Variants in TCF3 observed in about 807,000 individuals in gnomAD.
TCF3 encodes transcription factor E2-alpha.
TCF3 carries 54 observed loss-of-function variants against 72.3 expected under a neutral mutation model. The observed-to-expected ratio is 0.75, with a 90% CI of 0.60 to 0.94. The LOEUF (loss-of-function observed/expected upper bound fraction) is 0.94, where lower values mean the gene tolerates loss of function less well. TCF3 is among the 40% of genes least tolerant of loss of function. The pLI, the probability that TCF3 is intolerant of heterozygous loss-of-function variation, is 0.00. For synonymous variants in TCF3, 525 were observed against 412.6 expected (o/e 1.27, Z -3.30); for missense variants, 1,078 against 934.4 (o/e 1.15, Z -2.00).
At chr19:1,611,936 G>A (rs1008236234) in intron 18 of TCF3, 87 bp from the exon 19 acceptor site, 2 of 217,652 alleles carry the variant, frequency 9.2e-6, no homozygotes, top group Admixed American at 6.5e-5. Flanking sequence ...ATGTCGGGGG[G>A]GGGGGTGGGG....
At position 1,611,101 on chromosome 19, in the gene TCF3, G is replaced by A. The variant is rs917283894; in HGVS notation, c.*606C>T. The A allele has an allele frequency of 4.3e-6, 1 of 231,720 alleles. No homozygotes were observed. The highest frequency in any genetic ancestry group is 2.2e-5 in the African/African-American group (1 of 45,016). 14.4% of individuals were successfully genotyped at this position (231,720 alleles called of 1,614,324 possible). On this transcript the variant is annotated 3_prime_UTR_variant, in exon 19 of 19. Coordinates refer to ENST00000262965, the MANE Select transcript of TCF3 (RefSeq NM_003200.5). Reference sequence around the variant, plus strand: ...TGCTTACAAAACATATGCAAAAAAAGCTTAAAAAAACCAGAGACCAAAGGC... The same window carrying A: ...TGCTTACAAAACATATGCAAAAAAAACTTAAAAAAACCAGAGACCAAAGGC...
Position 1,640,420 on chromosome 19 carries a change from G to A in TCF3, c.145+5935C>T, listed in dbSNP as rs1478565647. On this transcript the variant is annotated intron_variant, in intron 3 of 18. Transcript: ENST00000262965. ...TGGTTACTAAACTCTCTAAGTTTCA[G>A]CTTCTTTACCAGTAAAATACGGTAA... Among the ~76,000 whole-genome samples, 6 of 152,114 alleles carry A rather than the reference G, an allele frequency of 3.9e-5. No individual in the cohort carries two copies. The East Asian group carries it at 1.2e-3, about 29-fold the overall frequency.
At chr19:1,619,944 C>T in intron 13 of TCF3, 91 bp from the exon 14 acceptor site, 1 of 1,138,572 alleles carries the variant, frequency 8.8e-7, no homozygotes, top group Non-Finnish European at 1.3e-6. Context: ...AACCACCCCG[C>T]CTGTCCAGCC....
intron 18 of TCF3, chr19:1,612,223 C>T: frequency 6.3e-7 from 1 of 1,588,876 alleles, no homozygotes; most frequent in Non-Finnish European, 8.6e-7. Context: ...CCTGCTGCTC[C>T]AGCCCCAGGA....
intron 16 of TCF3, among the ~76,000 whole-genome samples, chr19:1,618,468 C>T (rs944341215): frequency 9.9e-5 from 15 of 152,128 alleles, no homozygotes; most frequent in Non-Finnish European, 1.5e-4. Flanking sequence ...AAGTCCTCCC[C>T]GCAGCCCACA....
rs894445643 is a variant in TCF3 at position 1,614,845 on chromosome 19, T to C, written c.1822+440A>G. 3.9e-5 allele frequency among the ~76,000 whole-genome samples: 6 copies of C among 152,032 alleles called. No individual in the cohort carries two copies. Among genetic ancestry groups the C allele is most frequent in the African/African-American group, 1.5e-4 (6 of 41,376 alleles). On this transcript the variant is annotated intron_variant, in intron 18 of 18. Coordinates refer to ENST00000262965, the MANE Select transcript of TCF3 (RefSeq NM_003200.5). The surrounding 1 kb of genome is among the most constrained non-coding windows in gnomAD (Gnocchi z 5.6). ...GACAGGGGATGGGCTCATGTGGCCT[T>C]GCGTGGCATCTGCCTGACGGGAAGG... is the stretch of plus-strand genomic sequence containing the variant.
intron 6 of TCF3, 104 bp downstream of exon 6, chr19:1,627,255 A>G: frequency 2.8e-6 from 2 of 711,694 alleles, no homozygotes; most frequent in Admixed American, 3.7e-5. Context: ...ATCAGGAAGC[A>G]AACATAACCT....
chr19:1,650,150 G>A lies in TCF3; in HGVS notation c.72+27C>T, dbSNP rs757087034. ...TGAACTGTGGAGGCAAAGGGGTGTC[G>A]GGGGCTGGGCGGGGGTCCTGGCTCA... On this transcript the variant is annotated intron_variant, in intron 2 of 18. Transcript: ENST00000262965. 10 of 1,551,816 alleles carry A rather than the reference G, an allele frequency of 6.4e-6. No homozygotes were observed. In the South Asian group the frequency reaches 7.1e-5, roughly 11 times the overall value.
At chr19:1,651,312 G>A (rs781039548) in intron 1 of TCF3, 76 of 228,666 alleles carry the variant, frequency 3.3e-4, no homozygotes, top group Non-Finnish European at 5.5e-4. Context: ...AGCCTCCGAG[G>A]TCGAGGGAGA....
At chr19:1,623,913 G>A (rs2062564510) in intron 8 of TCF3, 38 bp downstream of exon 8, 1 of 1,608,760 alleles carries the variant, frequency 6.2e-7, no homozygotes, top group Non-Finnish European at 8.5e-7. Flanking sequence ...CACTGCCACT[G>A]ACGAGCTGTG....
Position 1,609,544 on chromosome 19 carries a change from G to A in TCF3, c.*2163C>T. 4.5e-6 allele frequency: 1 copy of A among 221,586 alleles called. No homozygotes were observed. The highest frequency in any genetic ancestry group is 6.5e-5 in the East Asian group (1 of 15,278). 13.7% of individuals were successfully genotyped at this position (221,586 alleles called of 1,614,324 possible). A position where few individuals can be genotyped will look rare whatever the true frequency, so the allele number is the denominator to read the frequency against. On this transcript the variant is annotated 3_prime_UTR_variant, in exon 19 of 19. Transcript: ENST00000262965. Reference sequence around the variant, plus strand: ...TCCTCGCGCTGGGTGAATCTCGTTTGAATTCTATGCAGAACGCACAGTTCC... The same window carrying A: ...TCCTCGCGCTGGGTGAATCTCGTTTAAATTCTATGCAGAACGCACAGTTCC...
chr19:1,616,559 T>A (rs1244590682), intron 16 of TCF3: 1 of 152,090 alleles, frequency 6.6e-6, no homozygotes, highest in East Asian at 1.9e-4. Flanking sequence ...TCTTTATCAT[T>A]CTCATTTTAG....
intron 3 of TCF3, among the ~76,000 whole-genome samples, chr19:1,640,141 C>T (rs958343263): frequency 1.3e-5 from 2 of 152,170 alleles, no homozygotes; most frequent in Admixed American, 6.5e-5. Flanking sequence ...CGCCTCCAAA[C>T]GTTATCAAAG....
At position 1,632,425 on chromosome 19, in the gene TCF3, A is replaced by T. The variant is rs555412484; in HGVS notation, c.146-20T>A. 11 of 1,580,112 alleles carry T rather than the reference A, an allele frequency of 7.0e-6. No homozygotes were observed. The African/African-American group carries it at 8.1e-5, about 12-fold the overall frequency. ...CAAGACCTGCAGGCAGGACAGAGAG[A>T]GTTATGGGTCACCCTCACGCCTGCC... On this transcript the variant is annotated intron_variant, in intron 3 of 18. Transcript: ENST00000262965.
At chr19:1,649,129 C>T (rs1297881587) in intron 2 of TCF3, among the ~76,000 whole-genome samples, 2 of 152,174 alleles carry the variant, frequency 1.3e-5, no homozygotes, top group South Asian at 4.1e-4. Context: ...GAAGCCGCCC[C>T]GCCCTCCCCA....
chr19:1,638,724 C>A (rs1316558742), intron 3 of TCF3, among the ~76,000 whole-genome samples: 1 of 152,200 alleles, frequency 6.6e-6, no homozygotes, highest in Non-Finnish European at 1.5e-5. Flanking sequence ...TATTCAATCA[C>A]GGCCTTAAAC....
chr19:1,624,644 G>A (rs1455843357), intron 7 of TCF3, among the ~76,000 whole-genome samples: 1 of 152,150 alleles, frequency 6.6e-6, no homozygotes, highest in Admixed American at 6.6e-5. Context: ...TCGCCTACAG[G>A]ATAAAATCCG....
intron 5 of TCF3, among the ~76,000 whole-genome samples, chr19:1,629,955 G>A (rs762406526): frequency 5.3e-4 from 81 of 152,200 alleles, no homozygotes; most frequent in Non-Finnish European, 1.0e-3. Flanking sequence ...GCAGTCACTC[G>A]CCCGGCTCCT....
At position 1,625,921 on chromosome 19, in the gene TCF3, G is replaced by A. The variant is rs547534400; in HGVS notation, c.367-213C>T. On this transcript the variant is annotated intron_variant, in intron 6 of 18. Transcript: ENST00000262965. Reference sequence around the variant, plus strand: ...CCACACTGCTGTTTTCACGAAGAACGAAAGACTGAGAAACAGATACCAGTG... The same window carrying A: ...CCACACTGCTGTTTTCACGAAGAACAAAAGACTGAGAAACAGATACCAGTG... Among the ~76,000 whole-genome samples, 9 of 152,322 alleles carry A rather than the reference G, an allele frequency of 5.9e-5. No individual in the cohort carries two copies. In the South Asian group the frequency reaches 1.7e-3, roughly 28 times the overall value.
Sources: gnomAD v4.1 joint callset for allele counts (sites outside exome capture counted in the v4.1 genomes callset) on GRCh38, gnomAD v4.1.1 for gene constraint, Gnocchi (gnomAD v3.1) non-coding constraint, MANE v1.5 for transcripts, NCBI Gene and HGNC (gene_info 2026-07-23, HGNC 2026-07-21) for gene names.